EBAG9: variants seen among roughly 807,000 people sequenced by gnomAD.
EBAG9 encodes estrogen receptor binding site associated antigen 9, also known as receptor-binding cancer antigen expressed on SiSo cells.
Under a neutral mutation model 30.9 loss-of-function variants are expected in EBAG9, and 16 were observed. That is an observed-to-expected ratio of 0.52 (90% CI 0.35 to 0.79). The LOEUF is 0.79. Ranked by LOEUF, EBAG9 falls within the 30% of genes least tolerant of loss-of-function variation. The probability of loss-of-function intolerance (pLI) is 0.01; values close to 1 mark genes in which losing one functional copy is unlikely to be tolerated. For synonymous variants in EBAG9, 93 were observed against 82.8 expected (o/e 1.12, Z -0.67); for missense variants, 197 against 242.1 (o/e 0.81, Z 1.24).
intron 3 of EBAG9, 109 bp from the exon 4 acceptor site, chr8:109,554,620 A>G: frequency 2.7e-6 from 3 of 1,111,260 alleles, no homozygotes; most frequent in Non-Finnish European, 2.5e-6. Flanking sequence ...GTGGGTTAAA[A>G]AAGTTTGAAA....
intron 1 of EBAG9, among the ~76,000 whole-genome samples, chr8:109,547,748 G>A (rs1167614945): frequency 6.6e-6 from 1 of 152,104 alleles, no homozygotes; most frequent in African/African-American, 2.4e-5. Context: ...CCAAAGTGCT[G>A]GGATTACAGG....
Position 109,564,846 on chromosome 8 carries a change from C to T in EBAG9, c.*287C>T, listed in dbSNP as rs189488767. ...ACAAATGGAATATATCAGTACCTCT[C>T]AAGCTAGTGTTTCTAGCTAAATAAA... On this transcript the variant is annotated 3_prime_UTR_variant, in exon 7 of 7. Transcript: ENST00000337573. 3.5e-4 allele frequency: 78 copies of T among 220,652 alleles called. 2 individuals carry two copies. Among genetic ancestry groups the T allele is most frequent in the Admixed American group, 3.5e-3 (62 of 17,640 alleles). 13.7% of individuals were successfully genotyped at this position (220,652 alleles called of 1,614,324 possible).
chr8:109,554,255 ACTTGC>A (rs1367296750), intron 3 of EBAG9, among the ~76,000 whole-genome samples: 5 of 152,184 alleles, frequency 3.3e-5, no homozygotes, highest in Non-Finnish European at 7.3e-5. Context: ...CTGTTGATTA[ACTTGC>A]CTTGCAAATT....
rs1821810369 is a variant in EBAG9 at position 109,565,546 on chromosome 8, T to C, written c.*987T>C. The C allele has an allele frequency of 6.6e-6, 1 of 152,124 alleles. No individual in the cohort carries two copies. The allele number at this position is 152,124 out of a possible 1,614,324, so 9.4% of individuals were successfully genotyped here. On this transcript the variant is annotated 3_prime_UTR_variant, in exon 7 of 7. Transcript: ENST00000337573. Reference sequence around the variant, plus strand: ...AAGGTGGGAATAATAATCTTTTATTTATGATGTTGATTGGCTCCAAAATAG... The same window carrying C: ...AAGGTGGGAATAATAATCTTTTATTCATGATGTTGATTGGCTCCAAAATAG...
At chr8:109,560,463 G>T (rs1343714491) in intron 5 of EBAG9, among the ~76,000 whole-genome samples, 1 of 152,176 alleles carries the variant, frequency 6.6e-6, no homozygotes, top group Non-Finnish European at 1.5e-5. Context: ...TTCAGTCTGG[G>T]ATCAGTCAGT....
intron 1 of EBAG9, among the ~76,000 whole-genome samples, chr8:109,547,219 G>A (rs1217329151): frequency 6.6e-6 from 1 of 151,978 alleles, no homozygotes; most frequent in Non-Finnish European, 1.5e-5. Flanking sequence ...AGAATGGCTG[G>A]GTCATATGGT....
chr8:109,541,902 C>T (rs774177173), intron 1 of EBAG9, among the ~76,000 whole-genome samples: 1 of 152,176 alleles, frequency 6.6e-6, no homozygotes, highest in African/African-American at 2.4e-5. Context: ...GTGGCTTGAT[C>T]GCATTTTCCC....
chr8:109,557,876 G>A (rs1821632688), intron 5 of EBAG9: 1 of 282,364 alleles, frequency 3.5e-6, no homozygotes, highest in South Asian at 2.9e-5. Flanking sequence ...ACCTCTCCAA[G>A]GAGCTGCTTG....
chr8:109,554,950 G>A, intron 4 of EBAG9, 63 bp downstream of exon 4: 1 of 1,465,368 alleles, frequency 6.8e-7, no homozygotes, highest in Non-Finnish European at 9.2e-7. Context: ...GTTAAAATTA[G>A]GTGATACAAT....
intron 6 of EBAG9, chr8:109,563,676 A>G: frequency 2.3e-6 from 2 of 875,538 alleles, no homozygotes; most frequent in Non-Finnish European, 3.4e-6. Context: ...TGTCGTACAG[A>G]TATTTCATCA....
Position 109,554,922 on chromosome 8 carries a change from A to G in EBAG9, c.321+35A>G, listed in dbSNP as rs759437598. ...GATTTATGCTTTTGGAGATTAAACT[A>G]CTTTTTAGATTCCTATAGTTAAAAT... On this transcript the variant is annotated intron_variant, in intron 4 of 6. Transcript: ENST00000337573. 15 of 1,580,622 alleles carry G rather than the reference A, an allele frequency of 9.5e-6. No homozygotes were observed. The South Asian group carries it at 1.7e-4, about 18-fold the overall frequency.
rs143686353 is a variant in EBAG9, at chr8:109,541,236, G to T, written c.-16+775G>T. ...GATTAGATTATATTAACATTGTTCC[G>T]TTCTAGAAAGTGTTTTAAAGCAACT... On this transcript the variant is annotated intron_variant, in intron 1 of 6. Coordinates refer to ENST00000337573, the MANE Select transcript of EBAG9 (RefSeq NM_004215.5). Among the ~76,000 whole-genome samples, 3 of 152,118 alleles carry T rather than the reference G, an allele frequency of 2.0e-5. No homozygotes were observed. The East Asian group carries it at 5.8e-4, about 29-fold the overall frequency.
chr8:109,553,067 C>CT (rs566794225), intron 2 of EBAG9, among the ~76,000 whole-genome samples: 191 of 143,824 alleles, frequency 1.3e-3, no homozygotes, highest in African/African-American at 2.5e-3. Flanking sequence ...TTAGTTGATG[C>CT]TTTTTTTTTT....
In EBAG9 at chr8:109,554,882, C is replaced by A; in HGVS notation, c.316C>A (p.Gln106Lys). Residue 106 changes from glutamine to lysine, a missense_variant, in exon 4 of 7, where the codon CAG becomes AAG. Gln to Lys is a moderately conservative substitution (Grantham distance 53). Transcript: ENST00000337573. ...KDMTPTIRKT[Q>K]KIVIKKREPL... Reference sequence around the variant, plus strand: ...CATGACACCAACTATTAGGAAAACTCAGAAAGTATGTTAAGATTTATGCTT... The same window carrying A: ...CATGACACCAACTATTAGGAAAACTAAGAAAGTATGTTAAGATTTATGCTT... The A allele has an allele frequency of 6.2e-7, 1 of 1,612,442 alleles. No individual in the cohort carries two copies. The highest frequency in any genetic ancestry group is 1.1e-5 in the South Asian group (1 of 90,820).
At chr8:109,556,798 A>G (rs1367967782) in intron 4 of EBAG9, 137 bp from the exon 5 acceptor site, 1 of 433,912 alleles carries the variant, frequency 2.3e-6, no homozygotes, top group Non-Finnish European at 4.0e-6. Flanking sequence ...ATTGGTATTT[A>G]CAGACTTTTT....
chr8:109,548,680 A>G (rs1258846899), intron 1 of EBAG9, among the ~76,000 whole-genome samples: 1 of 152,088 alleles, frequency 6.6e-6, no homozygotes, highest in Non-Finnish European at 1.5e-5. Flanking sequence ...TCAGTAGTCA[A>G]GTCCTTAATT....
chr8:109,548,989 G>A (rs1197519240), intron 1 of EBAG9, among the ~76,000 whole-genome samples: 1 of 149,282 alleles, frequency 6.7e-6, no homozygotes, highest in Non-Finnish European at 1.5e-5. Context: ...CATGATCTTA[G>A]GGAGAAATTA....
In EBAG9 at chr8:109,564,682, C is replaced by A. The variant is rs1821783100; in HGVS notation, c.*123C>A. 7.4e-7 allele frequency: 1 copy of A among 1,346,136 alleles called. No homozygotes were observed. 83.4% of individuals were successfully genotyped at this position (1,346,136 alleles called of 1,614,324 possible). ...GCTTGATTTTAATACATTGATCAGGCCATCCAGGACACCACGATTCTCCCA... is the reference window on the plus strand; with the variant it reads ...GCTTGATTTTAATACATTGATCAGGACATCCAGGACACCACGATTCTCCCA... On this transcript the variant is annotated 3_prime_UTR_variant, in exon 7 of 7. Coordinates refer to ENST00000337573, the MANE Select transcript of EBAG9 (RefSeq NM_004215.5).
chr8:109,558,584 A>G (rs1821649526), intron 5 of EBAG9, among the ~76,000 whole-genome samples: 1 of 152,118 alleles, frequency 6.6e-6, no homozygotes, highest in South Asian at 2.1e-4. Flanking sequence ...AAAGTTTTAA[A>G]TATACAACTA....
Sources: gnomAD v4.1 joint callset for allele counts (sites outside exome capture counted in the v4.1 genomes callset) on GRCh38, gnomAD v4.1.1 for gene constraint, MANE v1.5 for transcripts, NCBI Gene and HGNC (gene_info 2026-07-23, HGNC 2026-07-21) for gene names.